NECTIN1: variants seen among roughly 807,000 people sequenced by gnomAD.
The protein encoded by NECTIN1 is nectin cell adhesion molecule 1.
In NECTIN1, 23 loss-of-function variants were observed where a neutral mutation model predicts 48.0. The observed-to-expected ratio is 0.48, with a 90% CI of 0.34 to 0.68. The LOEUF is 0.68. NECTIN1 is among the 30% of genes least tolerant of loss of function. NECTIN1 has a pLI of 0.01. For missense variants in NECTIN1, 591 were observed against 709.9 expected, an observed-to-expected ratio of 0.83 and a Z score of 1.90; for synonymous variants, 270 against 288.9, an observed-to-expected ratio of 0.93 and a Z score of 0.66.
intron 1 of NECTIN1, chr11:119,713,745 C>A (rs1304423199): frequency 4.6e-6 from 2 of 433,488 alleles, no homozygotes; most frequent in Non-Finnish European, 4.6e-6. Context: ...TCTGGCCCAC[C>A]CAGTCTTCAC....
At chr11:119,647,102 A>AC (rs1229540023) in intron 5 of NECTIN1, among the ~76,000 whole-genome samples, 1 of 148,484 alleles carries the variant, frequency 6.7e-6, no homozygotes, top group Non-Finnish European at 1.5e-5. Context: ...TGGGCCACAC[A>AC]CCCCCAACTG....
intron 1 of NECTIN1, among the ~76,000 whole-genome samples, chr11:119,711,288 G>A (rs1865641207): frequency 6.6e-6 from 1 of 152,188 alleles, no homozygotes; most frequent in Non-Finnish European, 1.5e-5. Flanking sequence ...TACTTGGGAG[G>A]CTGAGGCAGG....
chr11:119,689,911 G>A (rs1240755184), intron 1 of NECTIN1, among the ~76,000 whole-genome samples: 1 of 152,254 alleles, frequency 6.6e-6, no homozygotes, highest in Non-Finnish European at 1.5e-5. Context: ...GAAGAAGAAG[G>A]TATCTGCATA....
intron 1 of NECTIN1, among the ~76,000 whole-genome samples, chr11:119,690,715 G>T (rs528508686): frequency 1.3e-5 from 2 of 152,176 alleles, no homozygotes; most frequent in Non-Finnish European, 2.9e-5. Context: ...AGACCAGCCC[G>T]TGCCCAGATG....
At chr11:119,660,869 TG>T, downstream of NECTIN1, 1 of 439,462 alleles carries the variant, frequency 2.3e-6, no homozygotes, top group Non-Finnish European at 3.0e-6. Context: ...TCTGGAACCC[TG>T]GAACCTGGAC....
At chr11:119,660,752 C>T (rs1864649059), downstream of NECTIN1, among the ~76,000 whole-genome samples, 1 of 152,174 alleles carries the variant, frequency 6.6e-6, no homozygotes, top group African/African-American at 2.4e-5. Context: ...CTGTGGACGC[C>T]CACCCCTCCC....
In NECTIN1 at chr11:119,728,534, G is replaced by A. The variant is rs1234549550; in HGVS notation, c.20C>T (p.Ala7Val). 1.9e-6 allele frequency: 3 copies of A among 1,589,526 alleles called. No homozygotes were observed. The highest frequency in any genetic ancestry group is 1.4e-5 in the African/African-American group (1 of 73,680). The change falls in exon 1 of 6, where the codon GCG (alanine) becomes GTG (valine). Residue 7 changes from alanine (A) to valine (V), a missense_variant. By Grantham distance (64) the Ala-to-Val change is moderately conservative. Coordinates refer to ENST00000264025, the MANE Select transcript of NECTIN1 (RefSeq NM_002855.5). ...TCCCCACCAGCGTCCAGCGGCGCCC[G>A]CAAGCCCCATCCGAGCCATCGGGGG... MARMGLAGAAGRWWGLA... is the reference protein window; with the variant it reads MARMGLVGAAGRWWGLA...
chr11:119,707,831 C>T (rs1865574016), intron 1 of NECTIN1, among the ~76,000 whole-genome samples: 4 of 152,198 alleles, frequency 2.6e-5, no homozygotes, highest in South Asian at 4.1e-4. Context: ...TCCATCACCT[C>T]GACACTCTTC....
intron 1 of NECTIN1, among the ~76,000 whole-genome samples, chr11:119,690,578 A>G (rs922119636): frequency 2.6e-5 from 4 of 152,284 alleles, no homozygotes; most frequent in African/African-American, 4.8e-5. Flanking sequence ...GCGCTGCCGG[A>G]GGTAGGCCAG....
At chr11:119,719,051 C>T (rs1865786248) in intron 1 of NECTIN1, among the ~76,000 whole-genome samples, 1 of 152,180 alleles carries the variant, frequency 6.6e-6, no homozygotes, top group South Asian at 2.1e-4. Flanking sequence ...AATGTTTTGA[C>T]TGCCTTTGGA....
chr11:119,664,531 C>A lies in NECTIN1; in HGVS notation c.*216G>T. On this transcript the variant is annotated 3_prime_UTR_variant, in exon 6 of 6. Transcript: ENST00000264025. ...ACACTAAAGCCACAGTCGAACACAA[C>A]ACCATGGGGAAGGGCGGAGGAGAGG... The A allele has an allele frequency of 7.0e-7, 1 of 1,421,742 alleles. No individual in the cohort carries two copies. Among genetic ancestry groups the A allele is most frequent in the East Asian group, 2.5e-5 (1 of 39,330 alleles). The allele number at this position is 1,421,742 out of a possible 1,614,324, so 88.1% of individuals were successfully genotyped here. A position where few individuals can be genotyped will look rare whatever the true frequency, so the allele number is the denominator to read the frequency against.
chr11:119,695,931 C>T (rs181891435), intron 1 of NECTIN1, among the ~76,000 whole-genome samples: 16 of 152,164 alleles, frequency 1.1e-4, no homozygotes, highest in African/African-American at 3.9e-4. Flanking sequence ...AAATTAAGAC[C>T]CAGAAAAGTG....
At chr11:119,680,757 A>G (rs1865046236) in intron 1 of NECTIN1, among the ~76,000 whole-genome samples, 1 of 152,210 alleles carries the variant, frequency 6.6e-6, no homozygotes, top group Non-Finnish European at 1.5e-5. Flanking sequence ...ACATCCACAC[A>G]GCCCTCAAGG....
chr11:119,715,424 C>T (rs11217423), intron 1 of NECTIN1, among the ~76,000 whole-genome samples: 51,503 of 151,538 alleles, frequency 0.34, 9,532 homozygotes, highest in East Asian at 0.43. Context: ...GGTGTGATCT[C>T]GGCTCAGTGC....
rs976391647 is a variant in NECTIN1, at chr11:119,728,772, C to T, written c.-219G>A. On this transcript the variant is annotated 5_prime_UTR_variant, in exon 1 of 6. Coordinates refer to ENST00000264025, the MANE Select transcript of NECTIN1 (RefSeq NM_002855.5). ...CCGGCTCAGAGGCTCGGCAGATGCCCGCCGCAAGTTGCACGAGTCATGCCC... is the reference window on the plus strand; with the variant it reads ...CCGGCTCAGAGGCTCGGCAGATGCCTGCCGCAAGTTGCACGAGTCATGCCC... 3.2e-4 allele frequency: 141 copies of T among 442,204 alleles called. 1 individual carries two copies. The highest frequency in any genetic ancestry group is 6.7e-4 in the Admixed American group (15 of 22,494). 27.4% of individuals were successfully genotyped at this position (442,204 alleles called of 1,614,324 possible). A position where few individuals can be genotyped will look rare whatever the true frequency, so the allele number is the denominator to read the frequency against.
intron 1 of NECTIN1, among the ~76,000 whole-genome samples, chr11:119,681,775 C>G (rs1327966861): frequency 1.3e-5 from 2 of 152,218 alleles, no homozygotes; most frequent in Non-Finnish European, 1.5e-5. Flanking sequence ...CAGCCTCTCT[C>G]TTACTGGGCA....
chr11:119,675,962 C>T (rs537399601), intron 4 of NECTIN1, among the ~76,000 whole-genome samples: 19 of 151,620 alleles, frequency 1.3e-4, no homozygotes, highest in African/African-American at 3.6e-4. Flanking sequence ...GCCAAGATTG[C>T]GCCATTGCAC....
chr11:119,646,484 G>C (rs1331811708), intron 5 of NECTIN1, among the ~76,000 whole-genome samples: 6 of 152,176 alleles, frequency 3.9e-5, no homozygotes, highest in Non-Finnish European at 5.9e-5. Context: ...ACCTGTGCTG[G>C]CTCTCTGGGC....
intron 1 of NECTIN1, among the ~76,000 whole-genome samples, chr11:119,686,856 G>A (rs905893216): frequency 3.3e-5 from 5 of 152,074 alleles, no homozygotes; most frequent in Non-Finnish European, 5.9e-5. Flanking sequence ...CTGTCCTAGC[G>A]TTTCTCATAC....
Sources: allele counts gnomAD v4.1 joint callset (sites outside exome capture counted in the v4.1 genomes callset), GRCh38; gene constraint gnomAD v4.1.1; transcripts MANE v1.5; gene names NCBI Gene and HGNC (gene_info 2026-07-23, HGNC 2026-07-21).